Variants in ADAMTS12 observed in about 807,000 individuals in gnomAD.
ADAMTS12 encodes the protein A disintegrin and metalloproteinase with thrombospondin motifs 12.
Under a neutral mutation model 167.8 loss-of-function variants are expected in ADAMTS12, and 118 were observed. The observed-to-expected ratio is 0.70, with a 90% confidence interval of 0.61 to 0.82. The LOEUF (loss-of-function observed/expected upper bound fraction) is 0.82. Ranked by LOEUF, ADAMTS12 falls within the 40% of genes least tolerant of loss-of-function variation. The pLI is 0.00. For missense variants in ADAMTS12, 1,916 were observed against 1,998.8 expected (o/e 0.96, Z 0.79); for synonymous variants, 704 against 716.9 (o/e 0.98, Z 0.29).
At chr5:33,795,926 C>T (rs1008161171) in intron 2 of ADAMTS12, among the ~76,000 whole-genome samples, 2 of 152,174 alleles carry the variant, frequency 1.3e-5, no homozygotes, top group Non-Finnish European at 2.9e-5. Flanking sequence ...TTCTCTCTTC[C>T]ATTGTGATAA....
chr5:33,558,189 A>G (rs2111874141), intron 20 of ADAMTS12, among the ~76,000 whole-genome samples: 1 of 152,294 alleles, frequency 6.6e-6, no homozygotes, highest in South Asian at 2.1e-4. Flanking sequence ...TGTAGAGATC[A>G]CAAAACTGGT....
intron 18 of ADAMTS12, among the ~76,000 whole-genome samples, chr5:33,579,581 T>G (rs941425643): frequency 6.6e-6 from 1 of 152,190 alleles, no homozygotes; most frequent in Non-Finnish European, 1.5e-5. Flanking sequence ...TAGGATCATA[T>G]CCCCTCCACC....
chr5:33,682,187 A>G (rs1199264958), intron 5 of ADAMTS12, among the ~76,000 whole-genome samples: 1 of 152,230 alleles, frequency 6.6e-6, no homozygotes, highest in Non-Finnish European at 1.5e-5. Context: ...TTGGATGTGG[A>G]AGATATGAAA....
chr5:33,643,916 C>T (rs1208292762), intron 9 of ADAMTS12, among the ~76,000 whole-genome samples: 1 of 152,230 alleles, frequency 6.6e-6, no homozygotes, highest in Non-Finnish European at 1.5e-5. Context: ...TCTAGAAAGC[C>T]TCAGCTTGTT....
chr5:33,661,692 C>G (rs1741265603), intron 6 of ADAMTS12, among the ~76,000 whole-genome samples: 1 of 152,198 alleles, frequency 6.6e-6, no homozygotes, highest in Non-Finnish European at 1.5e-5. Context: ...ATTTTGCCAG[C>G]AGATGCAGTT....
chr5:33,586,707 A>T (rs1274262073), intron 18 of ADAMTS12, among the ~76,000 whole-genome samples: 1 of 152,234 alleles, frequency 6.6e-6, no homozygotes, highest in Non-Finnish European at 1.5e-5. Flanking sequence ...CATTTTTGGT[A>T]AACAGATTTA....
chr5:33,552,772 C>T (rs771262745), intron 20 of ADAMTS12, among the ~76,000 whole-genome samples: 2 of 152,128 alleles, frequency 1.3e-5, no homozygotes, highest in Non-Finnish European at 2.9e-5. Context: ...GTTACTGTAG[C>T]CCTGTAGTAT....
intron 5 of ADAMTS12, among the ~76,000 whole-genome samples, chr5:33,671,937 TACAC>T (rs149375210): frequency 7.8e-6 from 1 of 128,346 alleles, no homozygotes; most frequent in Admixed American, 7.8e-5. Context: ...CATACTCACA[TACAC>T]ACACACACCC....
rs548598421 is a variant in ADAMTS12, at chr5:33,868,964, C to T, written c.489+12155G>A. On this transcript the variant is annotated intron_variant, in intron 2 of 23. Transcript: ENST00000504830. ...CAGCCATGTGGTAGAAAATAAAAAC[C>T]CACTTTCTGAGGGAGGAATTCAAGC... Among the ~76,000 whole-genome samples, 72 of 152,186 alleles carry T rather than the reference C, an allele frequency of 4.7e-4. 1 individual carries two copies. The highest frequency in any genetic ancestry group is 1.6e-3 in the African/African-American group (66 of 41,504).
At chr5:33,806,915 G>A (rs574753093) in intron 2 of ADAMTS12, among the ~76,000 whole-genome samples, 3 of 152,264 alleles carry the variant, frequency 2.0e-5, no homozygotes, top group East Asian at 1.9e-4. Flanking sequence ...GCTCCTGCCC[G>A]CACTCTAACT....
chr5:33,760,306 T>C (rs962983243), intron 2 of ADAMTS12, among the ~76,000 whole-genome samples: 3 of 151,716 alleles, frequency 2.0e-5, no homozygotes, highest in East Asian at 3.9e-4. Flanking sequence ...TTGTAAAGAC[T>C]ATTCCCCTGA....
intron 2 of ADAMTS12, among the ~76,000 whole-genome samples, chr5:33,829,985 C>T (rs1447394333): frequency 6.6e-6 from 1 of 152,196 alleles, no homozygotes; most frequent in Admixed American, 6.5e-5. Context: ...AATGTTAGAA[C>T]CCTGAGCCCT....
rs550748576 is a variant in ADAMTS12 at position 33,557,890 on chromosome 5, T to A, written c.4125+3137A>T. Among the ~76,000 whole-genome samples the A allele has an allele frequency of 7.2e-5, 11 of 152,130 alleles. 1 individual carries two copies. In the South Asian group the frequency reaches 1.5e-3, roughly 20 times the overall value. Reference sequence around the variant, plus strand: ...GATCAGCAGCAGCATTAGATTCTCATAGGGATGCAAAGCCTATTGTGAACT... The same window carrying A: ...GATCAGCAGCAGCATTAGATTCTCAAAGGGATGCAAAGCCTATTGTGAACT... On this transcript the variant is annotated intron_variant, in intron 20 of 23. Transcript: ENST00000504830.
At chr5:33,704,901 T>C (rs554083324) in intron 3 of ADAMTS12, among the ~76,000 whole-genome samples, 2 of 151,774 alleles carry the variant, frequency 1.3e-5, no homozygotes, top group African/African-American at 4.9e-5. Context: ...AAGCAAGAAA[T>C]CATTTCCCAG....
At chr5:33,700,130 C>T (rs1242228157) in intron 3 of ADAMTS12, among the ~76,000 whole-genome samples, 1 of 152,140 alleles carries the variant, frequency 6.6e-6, no homozygotes, top group Non-Finnish European at 1.5e-5. Flanking sequence ...TCTGTTTTAA[C>T]AAACAGTTTG....
intron 2 of ADAMTS12, among the ~76,000 whole-genome samples, chr5:33,873,792 G>A (rs1234212829): frequency 6.6e-6 from 1 of 152,178 alleles, no homozygotes; most frequent in Non-Finnish European, 1.5e-5. Context: ...AAGTGGGAAA[G>A]GCAATGTAAT....
At chr5:33,824,290 C>T (rs10941103) in intron 2 of ADAMTS12, among the ~76,000 whole-genome samples, 26,019 of 152,090 alleles carry the variant, frequency 0.17, 2,863 homozygotes, top group South Asian at 0.4. Context: ...GTGAAGCCAC[C>T]TGCCAGAAGA....
At chr5:33,733,091 A>G (rs1744247138) in intron 3 of ADAMTS12, among the ~76,000 whole-genome samples, 1 of 151,858 alleles carries the variant, frequency 6.6e-6, no homozygotes, top group African/African-American at 2.4e-5. Flanking sequence ...ATGTTACATA[A>G]ATAACATATT....
chr5:33,793,367 T>C (rs1031103187), intron 2 of ADAMTS12, among the ~76,000 whole-genome samples: 6 of 152,220 alleles, frequency 3.9e-5, no homozygotes, highest in Non-Finnish European at 7.3e-5. Context: ...TATCAAATGT[T>C]CCCATAGAAT....
Sources: gnomAD v4.1 joint callset for allele counts (sites outside exome capture counted in the v4.1 genomes callset) on GRCh38, gnomAD v4.1.1 for gene constraint, MANE v1.5 for transcripts, NCBI Gene and HGNC (gene_info 2026-07-23, HGNC 2026-07-21) for gene names.